The following HS2ST1 variants were observed in gnomAD, a reference collection of about 807,000 sequenced individuals.
The protein encoded by HS2ST1 is heparan sulfate 2-O-sulfotransferase 1, also known as 2-O-sulfotransferase.
In HS2ST1, 18 loss-of-function variants were observed where a neutral mutation model predicts 42.9. The observed-to-expected ratio is 0.42, with a 90% confidence interval of 0.29 to 0.62. The LOEUF (loss-of-function observed/expected upper bound fraction) is 0.62, where lower values mean the gene tolerates loss of function less well. Among genes scored for constraint, HS2ST1 ranks in the 20% least tolerant of loss-of-function variants. The probability of loss-of-function intolerance (pLI) is 0.21; values close to 1 mark genes in which losing one functional copy is unlikely to be tolerated. For synonymous variants in HS2ST1, 146 were observed against 152.9 expected, an observed-to-expected ratio of 0.95 and a Z score of 0.33; for missense variants, 334 against 433.8, an observed-to-expected ratio of 0.77 and a Z score of 2.04.
intron 1 of HS2ST1, among the ~76,000 whole-genome samples, chr1:87,031,368 A>G (rs1269513187): frequency 1.3e-5 from 2 of 152,216 alleles, no homozygotes; most frequent in Non-Finnish European, 2.9e-5. Context: ...CATGTTTTCT[A>G]AAGTTTTCTG....
At chr1:87,009,588 G>A (rs1021951210) in intron 1 of HS2ST1, among the ~76,000 whole-genome samples, 2 of 152,152 alleles carry the variant, frequency 1.3e-5, no homozygotes, top group East Asian at 1.9e-4. Flanking sequence ...TTGGTAAACC[G>A]TGATAGCAAA....
chr1:87,083,474 A>G (rs1433601322), intron 2 of HS2ST1, among the ~76,000 whole-genome samples: 1 of 152,194 alleles, frequency 6.6e-6, no homozygotes, highest in Non-Finnish European at 1.5e-5. Flanking sequence ...GAGAAATTGT[A>G]TATCACTGCT....
intron 3 of HS2ST1, among the ~76,000 whole-genome samples, chr1:87,091,103 G>A (rs1417138472): frequency 2.6e-5 from 4 of 151,854 alleles, no homozygotes; most frequent in Non-Finnish European, 4.4e-5. Context: ...TAGAATGTTA[G>A]CTCTAGAAGG....
chr1:86,978,453 A>G (rs1365780041), intron 1 of HS2ST1, among the ~76,000 whole-genome samples: 1 of 152,210 alleles, frequency 6.6e-6, no homozygotes, highest in Non-Finnish European at 1.5e-5. Flanking sequence ...TTAAAGAGGC[A>G]GTTTTCTATT....
chr1:87,058,497 C>T (rs1651033532), intron 1 of HS2ST1, among the ~76,000 whole-genome samples: 1 of 151,316 alleles, frequency 6.6e-6, no homozygotes, highest in Non-Finnish European at 1.5e-5. Flanking sequence ...CCAGCTCATT[C>T]CCATTCTGGA....
chr1:86,946,913 G>A (rs1374018830), intron 1 of HS2ST1, among the ~76,000 whole-genome samples: 1 of 152,162 alleles, frequency 6.6e-6, no homozygotes, highest in Non-Finnish European at 1.5e-5. Flanking sequence ...TTTTATGGAT[G>A]TACAAATTCT....
chr1:86,971,907 G>C (rs1341653485), intron 1 of HS2ST1, among the ~76,000 whole-genome samples: 3 of 151,986 alleles, frequency 2.0e-5, no homozygotes, highest in Non-Finnish European at 4.4e-5. Context: ...TACTGGCTTT[G>C]TGTTTTGAAC....
In HS2ST1 at chr1:87,107,953, GA is replaced by G. The variant is rs1425354449; in HGVS notation, c.*3261del. On this transcript the variant is annotated 3_prime_UTR_variant, in exon 7 of 7. Transcript: ENST00000370550. ...TCCTGATGATTGGATTTAAGCTATT[GA>G]AAATTGGATAATTTAAACTTAATGA... 1 of 152,004 alleles carries G rather than the reference GA, an allele frequency of 6.6e-6. No individual in the cohort carries two copies. Among genetic ancestry groups the G allele is most frequent in the Non-Finnish European group, 1.5e-5 (1 of 67,920 alleles). 9.4% of individuals were successfully genotyped at this position (152,004 alleles called of 1,614,324 possible).
chr1:86,953,074 C>G (rs1647571417), intron 1 of HS2ST1, among the ~76,000 whole-genome samples: 1 of 152,214 alleles, frequency 6.6e-6, no homozygotes, highest in African/African-American at 2.4e-5. Flanking sequence ...ACGGGGATAA[C>G]TTCCTACAGC....
intron 1 of HS2ST1, among the ~76,000 whole-genome samples, chr1:87,059,638 A>G (rs1651069525): frequency 6.6e-6 from 1 of 152,194 alleles, no homozygotes; most frequent in Non-Finnish European, 1.5e-5. Flanking sequence ...CTCACCTATG[A>G]TTTTTAACTA....
At chr1:86,922,165 TG>T (rs1660312840) in intron 1 of HS2ST1, among the ~76,000 whole-genome samples, 2 of 132,496 alleles carry the variant, frequency 1.5e-5, no homozygotes, top group African/African-American at 7.3e-5. Flanking sequence ...TGCTCTTTGT[TG>T]TTGTTTTTTT....
chr1:86,916,505 A>G (rs1168731605), intron 1 of HS2ST1, among the ~76,000 whole-genome samples: 1 of 152,348 alleles, frequency 6.6e-6, no homozygotes, highest in East Asian at 1.9e-4. Flanking sequence ...AAGAAAAACC[A>G]TCAAGTAAAT....
At chr1:87,004,736 A>G (rs1431413805) in intron 1 of HS2ST1, among the ~76,000 whole-genome samples, 1 of 152,244 alleles carries the variant, frequency 6.6e-6, no homozygotes, top group African/African-American at 2.4e-5. Flanking sequence ...CATGGTGAAC[A>G]CTAACACTAA....
chr1:87,025,140 G>A (rs1239520406), intron 1 of HS2ST1, among the ~76,000 whole-genome samples: 3 of 151,138 alleles, frequency 2.0e-5, no homozygotes, highest in Non-Finnish European at 4.4e-5. Context: ...AGGTAACTGA[G>A]TGATAATAAC....
chr1:86,964,249 AG>A (rs1647966587), intron 1 of HS2ST1, among the ~76,000 whole-genome samples: 1 of 152,202 alleles, frequency 6.6e-6, no homozygotes, highest in Admixed American at 6.5e-5. Context: ...GGCCAGGCAG[AG>A]GCTGCAATCT....
intron 1 of HS2ST1, among the ~76,000 whole-genome samples, chr1:87,063,879 AC>A (rs1651180221): frequency 6.6e-6 from 1 of 152,122 alleles, no homozygotes; most frequent in African/African-American, 2.4e-5. Context: ...TTTTATAGAA[AC>A]CTGAGCATTT....
Position 86,982,136 on chromosome 1 carries a change from C to T in HS2ST1, c.124+66976C>T, listed in dbSNP as rs551050869. 2.0e-5 allele frequency among the ~76,000 whole-genome samples: 3 copies of T among 152,340 alleles called. No individual in the cohort carries two copies. In the South Asian group the frequency reaches 6.2e-4, roughly 32 times the overall value. ...TAAGCTGTACCTTGGCCCCTTTTAG[C>T]CACAGCTGGAGCTGGAGCAGCTGGA... is the stretch of plus-strand genomic sequence containing the variant. On this transcript the variant is annotated intron_variant, in intron 1 of 6. Coordinates refer to ENST00000370550, the MANE Select transcript of HS2ST1 (RefSeq NM_012262.4).
chr1:87,062,044 TC>T (rs1367767426), intron 1 of HS2ST1, among the ~76,000 whole-genome samples: 1 of 152,114 alleles, frequency 6.6e-6, no homozygotes, highest in Non-Finnish European at 1.5e-5. Flanking sequence ...GAACATCTGT[TC>T]ATGTTTGTTA....
At position 87,108,432 on chromosome 1, in the gene HS2ST1, A is replaced by T. The variant is rs1028553429; in HGVS notation, c.*3736A>T. ...CTTTATGATTTGAGTTGGCCTCTTC[A>T]TAAATTAGTGCTGTTTACTTTCAGA... On this transcript the variant is annotated 3_prime_UTR_variant, in exon 7 of 7. Coordinates refer to ENST00000370550, the MANE Select transcript of HS2ST1 (RefSeq NM_012262.4). 1.3e-5 allele frequency: 2 copies of T among 152,100 alleles called. No homozygotes were observed. The highest frequency in any genetic ancestry group is 4.8e-5 in the African/African-American group (2 of 41,438). The allele number at this position is 152,100 out of a possible 1,614,324, so 9.4% of individuals were successfully genotyped here.
Sources: allele counts gnomAD v4.1 joint callset (sites outside exome capture counted in the v4.1 genomes callset), GRCh38; gene constraint gnomAD v4.1.1; transcripts MANE v1.5; gene names NCBI Gene and HGNC (gene_info 2026-07-23, HGNC 2026-07-21).